The following BCAR1 variants were observed in gnomAD, a reference collection of about 807,000 sequenced individuals.
BCAR1 encodes the protein breast cancer anti-estrogen resistance protein 1.
BCAR1 carries 30 observed loss-of-function variants against 67.6 expected under a neutral mutation model. The observed-to-expected ratio is 0.44, with a 90% CI of 0.33 to 0.60. BCAR1 has a LOEUF of 0.60. Ranked by LOEUF, BCAR1 falls within the 20% of genes least tolerant of loss-of-function variation. The pLI, the probability that BCAR1 is intolerant of heterozygous loss-of-function variation, is 0.02. For synonymous variants in BCAR1, 626 were observed against 556.7 expected, an observed-to-expected ratio of 1.12 and a Z score of -1.75; for missense variants, 1,313 against 1,222.3, an observed-to-expected ratio of 1.07 and a Z score of -1.11.
rs758611739 is a variant in BCAR1, at chr16:75,229,722, C to A, written c.2402G>T (p.Arg801Leu). ...GCGCACGTCAGCAGCCTTGGCCTGC[C>A]GTGACAGTGTGTCCCCGATGAACAC... ...KLVFIGDTLSRQAKAADVRSQ... is the reference protein window; with the variant it reads ...KLVFIGDTLSLQAKAADVRSQ... Residue 801 changes from arginine to leucine, a missense_variant, in exon 7 of 7, where the codon CGG becomes CTG. By Grantham distance (102) the Arg-to-Leu change is moderately radical. Coordinates refer to ENST00000162330, the MANE Select transcript of BCAR1 (RefSeq NM_014567.5). The A allele has an allele frequency of 1.2e-6, 2 of 1,613,158 alleles. No homozygotes were observed. The highest frequency in any genetic ancestry group is 1.1e-5 in the South Asian group (1 of 91,078).
chr16:75,234,741 G>A (rs2077038934), intron 5 of BCAR1, 148 bp downstream of exon 5: 3 of 1,247,916 alleles, frequency 2.4e-6, no homozygotes, highest in Non-Finnish European at 3.2e-6. Flanking sequence ...CCTAGCACAT[G>A]GGGCCAATGT....
At chr16:75,234,806 C>A (rs1567588000) in intron 5 of BCAR1, 83 bp downstream of exon 5, 5 of 1,500,036 alleles carry the variant, frequency 3.3e-6, no homozygotes, top group Non-Finnish European at 4.4e-6. Flanking sequence ...AGGGACCAGG[C>A]CCCAGCTGAG....
chr16:75,236,913 T>C lies in BCAR1; in HGVS notation c.881A>G (p.Glu294Gly). 1 of 1,612,028 alleles carries C rather than the reference T, an allele frequency of 6.2e-7. No individual in the cohort carries two copies. The highest frequency in any genetic ancestry group is 8.5e-7 in the Non-Finnish European group (1 of 1,179,220). The part of the protein sequence containing the change: ...LEVYDVPPSV[E>G]KGLPPSNHHA... The stretch of plus-strand genomic sequence containing the variant: ...GTGGTTGGACGGTGGCAGGCCCTTC[T>C]CCACACTGGGGGGCACGTCATACAC... The change falls in exon 4 of 7, where the codon GAG becomes GGG. Residue 294 changes from glutamate to glycine, a missense_variant. By Grantham distance (98) the Glu-to-Gly change is moderately conservative. Transcript: ENST00000162330.
chr16:75,265,722 C>T, intron 1 of BCAR1: 1 of 1,174,604 alleles, frequency 8.5e-7, no homozygotes, highest in South Asian at 4.2e-5. Context: ...GAGGCGACCC[C>T]CAGTCCGGGA....
At chr16:75,234,749 T>A in intron 5 of BCAR1, 140 bp downstream of exon 5, 1 of 1,289,808 alleles carries the variant, frequency 7.8e-7, no homozygotes, top group South Asian at 1.8e-5. Context: ...ATGGGGCCAA[T>A]GTGGGGTGAG....
rs1302915744 is a variant in BCAR1 at position 75,238,042 on chromosome 16, T to G, written c.634-698A>C. On this transcript the variant is annotated intron_variant, in intron 2 of 6. Coordinates refer to ENST00000162330, the MANE Select transcript of BCAR1 (RefSeq NM_014567.5). ...AGCGACCTGAAAGGATGAGGCCTAGTGGGGGAAGTGGGTCCAGGGCCAGCC... is the reference window on the plus strand; with the variant it reads ...AGCGACCTGAAAGGATGAGGCCTAGGGGGGGAAGTGGGTCCAGGGCCAGCC... 5.4e-6 allele frequency: 7 copies of G among 1,288,474 alleles called. No individual in the cohort carries two copies. In the African/African-American group the frequency reaches 7.6e-5, roughly 14 times the overall value. 79.8% of individuals were successfully genotyped at this position (1,288,474 alleles called of 1,614,324 possible).
rs2076779800 is a variant in BCAR1 at position 75,228,439 on chromosome 16, C to A, written c.*1072G>T. 1 of 152,432 alleles carries A rather than the reference C, an allele frequency of 6.6e-6. No homozygotes were observed. The highest frequency in any genetic ancestry group is 1.5e-5 in the Non-Finnish European group (1 of 68,116). The allele number at this position is 152,432 out of a possible 1,614,324, so 9.4% of individuals were successfully genotyped here. A position where few individuals can be genotyped will look rare whatever the true frequency, so the allele number is the denominator to read the frequency against. The stretch of plus-strand genomic sequence containing the variant: ...AAGCACCCTGAAGCTTCCATCTGGG[C>A]TGCGGGCTGCTGGGTGGGGGAGCCA... On this transcript the variant is annotated 3_prime_UTR_variant, in exon 7 of 7. Coordinates refer to ENST00000162330, the MANE Select transcript of BCAR1 (RefSeq NM_014567.5).
intron 1 of BCAR1, chr16:75,250,891 C>T (rs2077660563): frequency 1.0e-6 from 1 of 985,546 alleles, no homozygotes; most frequent in Non-Finnish European, 1.2e-6. Flanking sequence ...GCGGCGCGCC[C>T]GCCCCCACTC....
rs1295550933 is a variant in BCAR1, at chr16:75,237,174, C to T, written c.795+9G>A. On this transcript the variant is annotated intron_variant, in intron 3 of 6. Transcript: ENST00000162330. ...CCTGCCCTCCCACCGCTGCGCACCC[C>T]ACACCTACCTCCTGGCCATACTGGC... The T allele has an allele frequency of 6.4e-7, 1 of 1,568,214 alleles. No individual in the cohort carries two copies. Among genetic ancestry groups the T allele is most frequent in the Non-Finnish European group, 8.6e-7 (1 of 1,159,962 alleles).
At chr16:75,250,901 C>A (rs2077661116) in intron 1 of BCAR1, 1 of 985,474 alleles carries the variant, frequency 1.0e-6, no homozygotes, top group Admixed American at 6.1e-5. Context: ...CGCCCCCACT[C>A]CCGCTCCGCT....
At position 75,235,116 on chromosome 16, in the gene BCAR1, A is replaced by C. The variant is rs774390402; in HGVS notation, c.1783T>G (p.Ser595Ala). The C allele has an allele frequency of 9.3e-6, 15 of 1,611,234 alleles. No homozygotes were observed. Among genetic ancestry groups the C allele is most frequent in the South Asian group, 1.1e-5 (1 of 91,086 alleles). The change falls in exon 5 of 7, where the codon TCC becomes GCC. Residue 595 changes from serine (S) to alanine (A), a missense_variant. Around this residue, in one of 2 missense-constraint regions of BCAR1, gnomAD observed 1,272 missense variants for 1,137.5 expected, o/e 1.12. Transcript: ENST00000162330. ...AVPEDAKQLA[S>A]FLHGNASLLF... The stretch of plus-strand genomic sequence containing the variant: ...AGTGAGGCATTGCCGTGCAGGAAGG[A>C]GGCCAGCTGCTTGGCGTCCTCGGGC...
chr16:75,261,324 C>A (rs1254290714), intron 1 of BCAR1, among the ~76,000 whole-genome samples: 1 of 152,216 alleles, frequency 6.6e-6, no homozygotes. Flanking sequence ...GGCCCCAGAA[C>A]ACCAGGGCAC....
At chr16:75,262,045 G>A (rs769096770) in intron 1 of BCAR1, among the ~76,000 whole-genome samples, 3 of 152,162 alleles carry the variant, frequency 2.0e-5, no homozygotes, top group African/African-American at 4.8e-5. Context: ...TGAGGCTCAG[G>A]GAGGTTCAGT....
At chr16:75,234,039 C>T in intron 5 of BCAR1, 104 bp from the exon 6 acceptor site, 1 of 1,100,116 alleles carries the variant, frequency 9.1e-7, no homozygotes, top group Non-Finnish European at 1.3e-6. Flanking sequence ...CCAGGTGGTG[C>T]TGCGTGTGCG....
At chr16:75,264,662 C>G in intron 1 of BCAR1, 1 of 1,255,510 alleles carries the variant, frequency 8.0e-7, no homozygotes, top group Non-Finnish European at 1.0e-6. Flanking sequence ...TCCACAATAA[C>G]AATGCTTTGC....
intron 2 of BCAR1, among the ~76,000 whole-genome samples, chr16:75,239,782 T>C (rs2077274607): frequency 6.6e-6 from 1 of 151,730 alleles, no homozygotes; most frequent in Non-Finnish European, 1.5e-5. Context: ...CTCCCCTCCC[T>C]CCCCAGCTCC....
chr16:75,242,388 G>A, intron 2 of BCAR1, 82 bp downstream of exon 2: 1 of 1,322,072 alleles, frequency 7.6e-7, no homozygotes, highest in East Asian at 2.8e-5. Flanking sequence ...GGTGATTGAG[G>A]GTGGCTGGAC....
At position 75,229,272 on chromosome 16, in the gene BCAR1, C is replaced by T. The variant is rs182556327; in HGVS notation, c.*239G>A. Reference sequence around the variant, plus strand: ...CCCCGTCTGGTGACCCAACCCGGGCCCGTGGTGCATGCTGGGGAAGGCCAC... The same window carrying T: ...CCCCGTCTGGTGACCCAACCCGGGCTCGTGGTGCATGCTGGGGAAGGCCAC... On this transcript the variant is annotated 3_prime_UTR_variant, in exon 7 of 7. Transcript: ENST00000162330. 7 of 586,556 alleles carry T rather than the reference C, an allele frequency of 1.2e-5. No individual in the cohort carries two copies. The East Asian group carries it at 2.3e-4, about 19-fold the overall frequency. 36.3% of individuals were successfully genotyped at this position (586,556 alleles called of 1,614,324 possible). A position where few individuals can be genotyped will look rare whatever the true frequency, so the allele number is the denominator to read the frequency against.
At chr16:75,259,710 G>C (rs1597282329) in intron 1 of BCAR1, among the ~76,000 whole-genome samples, 1 of 151,868 alleles carries the variant, frequency 6.6e-6, no homozygotes, top group Non-Finnish European at 1.5e-5. Flanking sequence ...AAATTAGCCG[G>C]GCATGGTGGC....
Sources: allele counts gnomAD v4.1 joint callset (sites outside exome capture counted in the v4.1 genomes callset), GRCh38; gene constraint gnomAD v4.1.1; regional missense constraint gnomAD v4.1.1; transcripts MANE v1.5; gene names NCBI Gene and HGNC (gene_info 2026-07-23, HGNC 2026-07-21).